The following TCF7L2 variants were observed in gnomAD, a reference collection of about 807,000 sequenced individuals.
TCF7L2 encodes transcription factor 7 like 2.
TCF7L2 carries 23 observed loss-of-function variants against 77.9 expected under a neutral mutation model. That is an observed-to-expected ratio of 0.30 (90% CI 0.21 to 0.42). The LOEUF is 0.42. Among genes scored for constraint, TCF7L2 ranks in the 10% least tolerant of loss-of-function variants. The pLI is 1.00. For missense variants in TCF7L2, 654 were observed against 793.1 expected (o/e 0.82, Z 2.11); for synonymous variants, 413 against 340.2 (o/e 1.21, Z -2.36).
At chr10:113,088,880 G>A (rs1325473104) in intron 5 of TCF7L2, among the ~76,000 whole-genome samples, 2 of 151,716 alleles carry the variant, frequency 1.3e-5, no homozygotes, top group Non-Finnish European at 2.9e-5. Flanking sequence ...GAGACAGGAG[G>A]ATTGCTTGAG....
At chr10:113,030,868 G>A (rs1208284991) in intron 4 of TCF7L2, among the ~76,000 whole-genome samples, 2 of 152,182 alleles carry the variant, frequency 1.3e-5, no homozygotes, top group African/African-American at 2.4e-5. Flanking sequence ...TCAATCTTGG[G>A]GTTGCCTGAA....
chr10:113,163,009 TAAAA>T (rs113088460), intron 13 of TCF7L2, among the ~76,000 whole-genome samples: 1 of 132,058 alleles, frequency 7.6e-6, no homozygotes, highest in Non-Finnish European at 1.6e-5. Flanking sequence ...AAAATGTACT[TAAAA>T]AAAAAAAAAA....
rs2070658150 is a variant in TCF7L2 at position 113,151,093 on chromosome 10, C to T, written c.971C>T (p.Ser324Phe). The T allele has an allele frequency of 3.7e-6, 6 of 1,614,028 alleles. No individual in the cohort carries two copies. Among genetic ancestry groups the T allele is most frequent in the Non-Finnish European group, 5.1e-6 (6 of 1,180,038 alleles). ...ACACCAACAGTCAAACAGGAATCGTCCCAGAGTGATGTCGGCTCACTCCAT... is the reference window on the plus strand; with the variant it reads ...ACACCAACAGTCAAACAGGAATCGTTCCAGAGTGATGTCGGCTCACTCCAT... Residue 324 changes from serine to phenylalanine, a missense_variant, in exon 9 of 14, where the codon TCC (serine) becomes TTC (phenylalanine). By Grantham distance (155) the Ser-to-Phe change is radical (BLOSUM62 -2). Around this residue, in one of 6 missense-constraint regions of TCF7L2, gnomAD observed 179 missense variants for 270.6 expected, o/e 0.66. Coordinates refer to ENST00000627217, the MANE Select transcript of TCF7L2 (RefSeq NM_001146274.2). The surrounding 1 kb of genome is among the most constrained non-coding windows in gnomAD (Gnocchi z 5.2).
intron 11 of TCF7L2, among the ~76,000 whole-genome samples, chr10:113,154,719 C>G (rs544879820): frequency 2.0e-5 from 3 of 152,240 alleles, no homozygotes; most frequent in African/African-American, 2.4e-5. Context: ...ATGACTTTAG[C>G]TCAGTTTTAA....
chr10:113,055,900 T>C (rs1212845704), intron 5 of TCF7L2, among the ~76,000 whole-genome samples: 1 of 152,254 alleles, frequency 6.6e-6, no homozygotes, highest in African/African-American at 2.4e-5. Flanking sequence ...ATCTGCTCTC[T>C]AACAGTCACA....
chr10:113,054,605 C>T (rs993900019), intron 5 of TCF7L2, among the ~76,000 whole-genome samples: 3 of 152,066 alleles, frequency 2.0e-5, no homozygotes, highest in Admixed American at 6.5e-5. Context: ...CAGAAAGGTA[C>T]AAAGGATAAC....
intron 4 of TCF7L2, among the ~76,000 whole-genome samples, chr10:112,997,347 A>G (rs2043661724): frequency 1.3e-5 from 2 of 152,204 alleles, no homozygotes; most frequent in African/African-American, 4.8e-5. Flanking sequence ...TTATTTTGAA[A>G]TTTCAAATAA....
intron 4 of TCF7L2, among the ~76,000 whole-genome samples, chr10:112,994,069 A>AT (rs1426312917): frequency 6.6e-6 from 1 of 151,854 alleles, no homozygotes; most frequent in Non-Finnish European, 1.5e-5. Context: ...AAAAAAAAAA[A>AT]GAAAGTAGCA....
At chr10:113,147,639 C>T (rs896613929) in intron 8 of TCF7L2, among the ~76,000 whole-genome samples, 1 of 152,132 alleles carries the variant, frequency 6.6e-6, no homozygotes, top group Non-Finnish European at 1.5e-5. Context: ...ACCCAGGGAC[C>T]ACGGCTACAT....
chr10:113,091,336 A>G (rs1431086672), intron 5 of TCF7L2, among the ~76,000 whole-genome samples: 1 of 152,208 alleles, frequency 6.6e-6, no homozygotes, highest in Non-Finnish European at 1.5e-5. Flanking sequence ...TTCTAGGAAC[A>G]CTTTTTGACA....
intron 5 of TCF7L2, among the ~76,000 whole-genome samples, chr10:113,063,119 C>G: frequency 6.6e-6 from 1 of 152,124 alleles, no homozygotes; most frequent in East Asian, 1.9e-4. Flanking sequence ...TGAAGTTATA[C>G]CGTGCCTGTA....
At chr10:112,970,873 C>G (rs1429808043) in intron 4 of TCF7L2, among the ~76,000 whole-genome samples, 2 of 152,188 alleles carry the variant, frequency 1.3e-5, no homozygotes, top group Non-Finnish European at 2.9e-5. Context: ...CCTCACGTTT[C>G]CTTTAGAGCT....
At chr10:112,970,711 G>C (rs2038058099) in intron 4 of TCF7L2, among the ~76,000 whole-genome samples, 1 of 152,068 alleles carries the variant, frequency 6.6e-6, no homozygotes, top group African/African-American at 2.4e-5. Context: ...GGTTTTTGAT[G>C]AGGGTCTCTT....
intron 5 of TCF7L2, among the ~76,000 whole-genome samples, chr10:113,127,271 TAA>T (rs1178505164): frequency 6.0e-5 from 9 of 149,254 alleles, no homozygotes; most frequent in African/African-American, 2.2e-4. Flanking sequence ...TCCACCAAGT[TAA>T]AGACACCAAT....
At chr10:113,129,880 A>G (rs1232654395) in intron 5 of TCF7L2, 2 of 1,290,334 alleles carry the variant, frequency 1.5e-6, no homozygotes. Context: ...CCCTAGGGAC[A>G]CAATTTTAGT....
intron 4 of TCF7L2, among the ~76,000 whole-genome samples, chr10:113,017,113 C>G (rs987735745): frequency 3.9e-4 from 60 of 152,354 alleles, no homozygotes; most frequent in African/African-American, 1.4e-3. Flanking sequence ...GCCAGGAATA[C>G]TCAAATCCTA....
At chr10:113,106,013 G>A (rs188590158) in intron 5 of TCF7L2, among the ~76,000 whole-genome samples, 1 of 152,222 alleles carries the variant, frequency 6.6e-6, no homozygotes, top group African/African-American at 2.4e-5. Flanking sequence ...GAAGATAGCA[G>A]TAAGTGGAAT....
Position 113,151,591 on chromosome 10 carries a change from G to C in TCF7L2, c.1002-134G>C, listed in dbSNP as rs956029678. The C allele has an allele frequency of 1.7e-6, 2 of 1,158,114 alleles. No homozygotes were observed. The highest frequency in any genetic ancestry group is 6.5e-5 in the Admixed American group (2 of 30,994). 71.7% of individuals were successfully genotyped at this position (1,158,114 alleles called of 1,614,324 possible). On this transcript the variant is annotated intron_variant, in intron 9 of 13. Coordinates refer to ENST00000627217, the MANE Select transcript of TCF7L2 (RefSeq NM_001146274.2). The surrounding 1 kb of genome is among the most constrained non-coding windows in gnomAD (Gnocchi z 5.2). Reference sequence around the variant, plus strand: ...TTGTTCCATTTTCCGGGGTGCAGAAGAACTAAAAGCATGCTTTTTAATCCA... The same window carrying C: ...TTGTTCCATTTTCCGGGGTGCAGAACAACTAAAAGCATGCTTTTTAATCCA...
intron 4 of TCF7L2, among the ~76,000 whole-genome samples, chr10:112,988,774 C>A (rs2042016187): frequency 6.6e-6 from 1 of 152,182 alleles, no homozygotes; most frequent in Non-Finnish European, 1.5e-5. Flanking sequence ...ATTCAGCAAT[C>A]ATTCCTCCAG....
Sources: gnomAD v4.1 joint callset for allele counts (sites outside exome capture counted in the v4.1 genomes callset) on GRCh38, gnomAD v4.1.1 for gene constraint, gnomAD v4.1.1 regional missense constraint, Gnocchi (gnomAD v3.1) non-coding constraint, MANE v1.5 for transcripts, NCBI Gene and HGNC (gene_info 2026-07-23, HGNC 2026-07-21) for gene names.